IKBKE: variants seen among roughly 807,000 people sequenced by gnomAD.
IKBKE encodes the protein inhibitor of nuclear factor kappa-B kinase subunit epsilon.
A neutral mutation model predicts 92.1 loss-of-function variants in IKBKE; 45 were observed. That is an observed-to-expected ratio of 0.49 (90% CI 0.38 to 0.63). IKBKE has a LOEUF of 0.63. Ranked by LOEUF, IKBKE falls within the 20% of genes least tolerant of loss-of-function variation. IKBKE has a pLI of 0.00. For synonymous variants in IKBKE, 374 were observed against 380.3 expected (o/e 0.98, Z 0.19); for missense variants, 700 against 932.8 (o/e 0.75, Z 3.25).
At chr1:206,483,355 C>G (rs1665498096) in intron 13 of IKBKE, among the ~76,000 whole-genome samples, 1 of 152,232 alleles carries the variant, frequency 6.6e-6, no homozygotes, top group South Asian at 2.1e-4. Flanking sequence ...TTGGGTCCAG[C>G]CTCACCCTCT....
At chr1:206,477,932 T>C (rs1665161095) in intron 8 of IKBKE, 73 bp downstream of exon 8, 1 of 1,084,678 alleles carries the variant, frequency 9.2e-7, no homozygotes, top group African/African-American at 1.6e-5. Context: ...AAGTCAAGAC[T>C]TCTGAGGCCT....
Position 206,478,841 on chromosome 1 carries a change from C to T in IKBKE, c.993-102C>T. 2.2e-6 allele frequency: 2 copies of T among 906,840 alleles called. No individual in the cohort carries two copies. The highest frequency in any genetic ancestry group is 3.7e-6 in the Non-Finnish European group (2 of 545,870). The allele number at this position is 906,840 out of a possible 1,614,324, so 56.2% of individuals were successfully genotyped here. A position where few individuals can be genotyped will look rare whatever the true frequency, so the allele number is the denominator to read the frequency against. On this transcript the variant is annotated intron_variant, in intron 9 of 21. Transcript: ENST00000581977. This position sits in a 1 kb window ranked among gnomAD's most constrained non-coding sequence, Gnocchi z 4.8. ...CGTCCCTCCCTCTGCAAAACAGAGC[C>T]CTGTCTATGGGCAACGCTTAGCTGG...
At chr1:206,479,993 AC>A in intron 11 of IKBKE, 28 bp from the exon 12 acceptor site, 1 of 1,611,764 alleles carries the variant, frequency 6.2e-7, no homozygotes, top group Non-Finnish European at 8.5e-7. Context: ...GAGGTGTGGG[AC>A]CTGGCCCTGT....
chr1:206,489,910 T>C (rs118087698), intron 16 of IKBKE, among the ~76,000 whole-genome samples: 1 of 152,208 alleles, frequency 6.6e-6, no homozygotes, highest in Admixed American at 6.5e-5. Context: ...AACCCCTAAC[T>C]GTTAAAACCC....
chr1:206,486,800 CCT>C (rs1262800981), intron 15 of IKBKE, among the ~76,000 whole-genome samples: 1 of 151,156 alleles, frequency 6.6e-6, no homozygotes, highest in African/African-American at 2.4e-5. Context: ...GATCCCAGGC[CCT>C]GTCTTTTGGA....
chr1:206,493,844 G>A (rs1217293919), intron 20 of IKBKE, 76 bp from the exon 21 acceptor site: 5 of 1,113,662 alleles, frequency 4.5e-6, no homozygotes, highest in South Asian at 1.3e-5. Flanking sequence ...GCAGAGGAGG[G>A]TGGGCCTCCC....
intron 18 of IKBKE, 187 bp from the exon 19 acceptor site, chr1:206,492,836 T>A (rs1211131631): frequency 1.4e-5 from 10 of 694,906 alleles, no homozygotes; most frequent in Non-Finnish European, 2.2e-5. Context: ...CAGCCAGCTG[T>A]GTGCTTCTGC....
intron 18 of IKBKE, 113 bp downstream of exon 18, chr1:206,491,862 G>A (rs1184938009): frequency 2.7e-6 from 2 of 745,886 alleles, no homozygotes; most frequent in African/African-American, 3.6e-5. Flanking sequence ...GAGTGAAGGG[G>A]TGTGAGCAGA....
In IKBKE at chr1:206,473,456, G is replaced by A. The variant is rs1664886458; in HGVS notation, c.87+142G>A. 4 of 628,956 alleles carry A rather than the reference G, an allele frequency of 6.4e-6. 1 individual carries two copies. Among genetic ancestry groups the A allele is most frequent in the South Asian group, 4.3e-5 (2 of 46,946 alleles). 39.0% of individuals were successfully genotyped at this position (628,956 alleles called of 1,614,324 possible). On this transcript the variant is annotated intron_variant, in intron 3 of 21. Transcript: ENST00000581977. Reference sequence around the variant, plus strand: ...ATGTTGTGTAGCACACTCATACTGTGGGTTTGAGCAGAGGCATAGGGAGCT... The same window carrying A: ...ATGTTGTGTAGCACACTCATACTGTAGGTTTGAGCAGAGGCATAGGGAGCT...
chr1:206,475,314 C>T (rs1374300722), intron 5 of IKBKE, among the ~76,000 whole-genome samples: 2 of 152,150 alleles, frequency 1.3e-5, no homozygotes, highest in East Asian at 3.9e-4. Context: ...TGAAAAAAGC[C>T]AGACACAGAA....
rs1240137430 is a variant in IKBKE, at chr1:206,473,343, C to A, written c.87+29C>A. The A allele has an allele frequency of 5.2e-6, 8 of 1,547,522 alleles. No homozygotes were observed. The South Asian group carries it at 9.3e-5, about 18-fold the overall frequency. ...GGAAGCAACCCTGGCCAGGCCCTGT[C>A]CAGCCCAGCCTTGGCCCCCTCATGC... On this transcript the variant is annotated intron_variant, in intron 3 of 21. Transcript: ENST00000581977.
chr1:206,474,975 G>T lies in IKBKE; in HGVS notation c.339G>T (p.Leu113=). Residue 113 remains leucine (L), a synonymous_variant, in exon 5 of 22, where the codon CTG becomes CTT. Coordinates refer to ENST00000581977, the MANE Select transcript of IKBKE (RefSeq NM_014002.4). ...NAFGLPEDEF[L]VVLRCVVAGM... is the part of the protein sequence containing the mutation. ...TTGGGCTGCCTGAGGATGAGTTCCT[G>T]GTGGTGCTGCGCTGTGTGGGTGAGC... is the stretch of plus-strand genomic sequence containing the variant. 6.2e-7 allele frequency: 1 copy of T among 1,614,058 alleles called. No individual in the cohort carries two copies. The highest frequency in any genetic ancestry group is 8.5e-7 in the Non-Finnish European group (1 of 1,180,038).
In IKBKE at chr1:206,479,122, C is replaced by A. The variant is rs534410005; in HGVS notation, c.1172C>A (p.Ala391Asp). ...AGCACAGCCATCCCTAAGGGGCTGG[C>A]CTTCAGGGACCGTGAGTAGAGCCAC... is the stretch of plus-strand genomic sequence containing the variant. The part of the protein sequence containing the change: ...LFSTAIPKGL[A>D]FRDPALDVPK... Residue 391 changes from alanine to aspartate, a missense_variant, in exon 10 of 22, where the codon GCC (alanine) becomes GAC (aspartate). Transcript: ENST00000581977. 103 of 1,599,492 alleles carry A rather than the reference C, an allele frequency of 6.4e-5. No homozygotes were observed. The South Asian group carries it at 1.1e-3, about 17-fold the overall frequency.
At chr1:206,489,750 C>G (rs968613690) in intron 16 of IKBKE, among the ~76,000 whole-genome samples, 53 of 152,080 alleles carry the variant, frequency 3.5e-4, no homozygotes, top group Admixed American at 3.4e-3. Flanking sequence ...TCATTACCCT[C>G]CCCATTTTAT....
intron 4 of IKBKE, 65 bp downstream of exon 4, chr1:206,474,536 G>C (rs935095297): frequency 1.4e-6 from 2 of 1,463,546 alleles, no homozygotes; most frequent in South Asian, 2.5e-5. Flanking sequence ...GGAGAATCAG[G>C]CCACATGATA....
chr1:206,484,426 A>G (rs1290329581), intron 13 of IKBKE, among the ~76,000 whole-genome samples: 2 of 152,170 alleles, frequency 1.3e-5, no homozygotes, highest in Non-Finnish European at 2.9e-5. Flanking sequence ...GTACCGTTAC[A>G]TTGTCCCTGT....
chr1:206,472,248 G>A (rs1456941867), intron 2 of IKBKE, among the ~76,000 whole-genome samples: 10 of 151,956 alleles, frequency 6.6e-5, no homozygotes, highest in Admixed American at 1.3e-4. Flanking sequence ...GAGACCTTAC[G>A]TCAAAATAAA....
intron 7 of IKBKE, 134 bp from the exon 8 acceptor site, chr1:206,477,615 A>G: frequency 1.6e-6 from 1 of 613,238 alleles, no homozygotes; most frequent in Non-Finnish European, 3.0e-6. Flanking sequence ...CAGGTTTCTC[A>G]CACTCCATCT....
In IKBKE at chr1:206,474,379, C is replaced by A; in HGVS notation, c.136C>A (p.Leu46Met). 3 of 1,614,108 alleles carry A rather than the reference C, an allele frequency of 1.9e-6. No homozygotes were observed. Among genetic ancestry groups the A allele is most frequent in the Non-Finnish European group, 2.5e-6 (3 of 1,179,948 alleles). Residue 46 changes from leucine (L) to methionine (M), a missense_variant, in exon 4 of 22, where the codon CTG becomes ATG. By Grantham distance (15) the Leu-to-Met change is conservative. Coordinates refer to ENST00000581977, the MANE Select transcript of IKBKE (RefSeq NM_014002.4). ...AVKVFNTTSY[L>M]RPREVQVREF... ...GAAGGTCTTCAACACTACCAGCTACCTGCGGCCCCGCGAGGTGCAGGTGAG... is the reference window on the plus strand; with the variant it reads ...GAAGGTCTTCAACACTACCAGCTACATGCGGCCCCGCGAGGTGCAGGTGAG...
Sources: gnomAD v4.1 joint callset for allele counts (sites outside exome capture counted in the v4.1 genomes callset) on GRCh38, gnomAD v4.1.1 for gene constraint, Gnocchi (gnomAD v3.1) non-coding constraint, MANE v1.5 for transcripts, NCBI Gene and HGNC (gene_info 2026-07-23, HGNC 2026-07-21) for gene names.